Variants in SNX29 observed in about 807,000 individuals in gnomAD.
SNX29 encodes sorting nexin-29.
Under a neutral mutation model 102.1 loss-of-function variants are expected in SNX29, and 78 were observed. The ratio of observed to expected loss-of-function variants is 0.76; its 90% confidence interval spans 0.64 to 0.92. SNX29 has a LOEUF of 0.92. SNX29 is among the 40% of genes least tolerant of loss of function. The probability of loss-of-function intolerance (pLI) is 0.00; values close to 1 mark genes in which losing one functional copy is unlikely to be tolerated. For missense variants in SNX29, 1,280 were observed against 1,061.7 expected (o/e 1.21, Z -2.86); for synonymous variants, 580 against 414.5 (o/e 1.40, Z -4.85).
chr16:12,540,898 C>T (rs561661503), intron 20 of SNX29, among the ~76,000 whole-genome samples: 3 of 152,208 alleles, frequency 2.0e-5, no homozygotes, highest in Admixed American at 1.3e-4. Context: ...AGCTGGAGGG[C>T]TTCTCTGACA....
chr16:12,329,942 G>A (rs559404219), intron 15 of SNX29, among the ~76,000 whole-genome samples: 1 of 152,288 alleles, frequency 6.6e-6, no homozygotes, highest in Admixed American at 6.5e-5. Flanking sequence ...CATTTGAGTG[G>A]CATATCTTAC....
Position 12,531,562 on chromosome 16 carries a change from C to G in SNX29, c.2318+6721C>G, listed in dbSNP as rs940038543. ...CGTGGTCCTCATGGCAAGGGGGCAG[C>G]AGCGGCATTGCCATTCTCTGGGATG... On this transcript the variant is annotated intron_variant, in intron 20 of 20. Transcript: ENST00000566228. Among the ~76,000 whole-genome samples, 4 of 152,040 alleles carry G rather than the reference C, an allele frequency of 2.6e-5. No individual in the cohort carries two copies. The East Asian group carries it at 7.7e-4, about 29-fold the overall frequency.
chr16:12,531,140 C>T (rs1460089757), intron 20 of SNX29, among the ~76,000 whole-genome samples: 3 of 152,174 alleles, frequency 2.0e-5, no homozygotes, highest in Non-Finnish European at 2.9e-5. Flanking sequence ...ATTTGATATG[C>T]AGGGTTTGAT....
At chr16:12,568,382 C>A (rs1430824452) in intron 20 of SNX29, 124 bp from the exon 21 acceptor site, 3 of 1,288,132 alleles carry the variant, frequency 2.3e-6, no homozygotes, top group Admixed American at 4.2e-5. Flanking sequence ...AGAGGCAGAT[C>A]CAATGAGCCA....
At position 12,569,037 on chromosome 16, in the gene SNX29, C is replaced by G; in HGVS notation, c.*408C>G. ...GCAGAGCCAGCCTCTCCACTCTTTCCCACGTGGGGACTAGAATGACTATTA... is the reference window on the plus strand; with the variant it reads ...GCAGAGCCAGCCTCTCCACTCTTTCGCACGTGGGGACTAGAATGACTATTA... On this transcript the variant is annotated 3_prime_UTR_variant, in exon 21 of 21. Transcript: ENST00000566228. 4.3e-6 allele frequency: 1 copy of G among 234,478 alleles called. No individual in the cohort carries two copies. The highest frequency in any genetic ancestry group is 8.2e-6 in the Non-Finnish European group (1 of 121,660). The allele number at this position is 234,478 out of a possible 1,614,324, so 14.5% of individuals were successfully genotyped here.
intron 20 of SNX29, among the ~76,000 whole-genome samples, chr16:12,562,505 G>C (rs923536854): frequency 6.6e-6 from 1 of 152,196 alleles, no homozygotes; most frequent in African/African-American, 2.4e-5. Context: ...ATCGTGAGCA[G>C]CCCAAGTACA....
intron 16 of SNX29, among the ~76,000 whole-genome samples, chr16:12,359,205 G>A (rs913109514): frequency 6.6e-6 from 1 of 152,212 alleles, no homozygotes; most frequent in Non-Finnish European, 1.5e-5. Context: ...CACCCAGCTG[G>A]TGTCCGCTGC....
chr16:12,538,633 G>A lies in SNX29; in HGVS notation c.2318+13792G>A, dbSNP rs186136438. Among the ~76,000 whole-genome samples, 49 of 152,268 alleles carry A rather than the reference G, an allele frequency of 3.2e-4. 1 individual carries two copies. The highest frequency in any genetic ancestry group is 2.6e-3 in the Admixed American group (40 of 15,296). ...AGGAGGGCCTTGACTAGGAAGAATG[G>A]AAAAACTGGGCTGTGAAACAGAAAG... On this transcript the variant is annotated intron_variant, in intron 20 of 20. Transcript: ENST00000566228.
At chr16:12,285,983 G>T (rs756131799) in intron 15 of SNX29, among the ~76,000 whole-genome samples, 2 of 152,008 alleles carry the variant, frequency 1.3e-5, no homozygotes, top group African/African-American at 4.8e-5. Context: ...CCCCTCCACA[G>T]TAGCATACGC....
intron 20 of SNX29, chr16:12,557,574 C>G (rs973963429): frequency 1.3e-5 from 2 of 152,166 alleles, no homozygotes; most frequent in Non-Finnish European, 2.9e-5. Flanking sequence ...GTTGGCTAGG[C>G]TGATCTTGAA....
rs114918091 is a variant in SNX29, at chr16:12,356,792, C to G, written c.1899+513C>G. ...GTGATTCTTTATTGTGAGGGCTGTTCTGAGCATTGTGGGATGTCTAGCAGC... is the reference window on the plus strand; with the variant it reads ...GTGATTCTTTATTGTGAGGGCTGTTGTGAGCATTGTGGGATGTCTAGCAGC... On this transcript the variant is annotated intron_variant, in intron 16 of 20. Transcript: ENST00000566228. 3.1e-3 allele frequency among the ~76,000 whole-genome samples: 470 copies of G among 152,356 alleles called. 3 individuals are homozygous for G. The highest frequency in any genetic ancestry group is 0.011 in the African/African-American group (452 of 41,592).
chr16:12,431,804 C>T, intron 18 of SNX29, among the ~76,000 whole-genome samples: 1 of 152,236 alleles, frequency 6.6e-6, no homozygotes. Context: ...GGGTAATGCT[C>T]ACGACATAGC....
rs370618591 is a variant in SNX29 at position 12,201,226 on chromosome 16, T to C, written c.1678+1543T>C. 1.6e-4 allele frequency among the ~76,000 whole-genome samples: 24 copies of C among 152,344 alleles called. No homozygotes were observed. The East Asian group carries it at 2.9e-3, about 18-fold the overall frequency. ...GCCTCATGCCCTTTTCATACAGATA[T>C]TGCTATTATGGCCCTGAATTCATCT... On this transcript the variant is annotated intron_variant, in intron 14 of 20. Coordinates refer to ENST00000566228, the MANE Select transcript of SNX29 (RefSeq NM_032167.5).
chr16:12,127,969 G>A (rs917494775), intron 12 of SNX29, among the ~76,000 whole-genome samples: 1 of 152,008 alleles, frequency 6.6e-6, no homozygotes, highest in Admixed American at 6.6e-5. Context: ...GTGTGTTCAC[G>A]TCACCCTTTC....
chr16:12,299,717 A>G (rs541815268), intron 15 of SNX29, among the ~76,000 whole-genome samples: 1 of 138,786 alleles, frequency 7.2e-6, no homozygotes, highest in Non-Finnish European at 1.5e-5. Flanking sequence ...CCCCCACCCC[A>G]TCCCTTCTTT....
chr16:12,286,494 A>G (rs1442332254), intron 15 of SNX29, among the ~76,000 whole-genome samples: 3 of 151,546 alleles, frequency 2.0e-5, no homozygotes, highest in African/African-American at 7.3e-5. Flanking sequence ...TACAGGCCCC[A>G]CCACCATGTG....
chr16:12,485,167 TG>T (rs968890712), intron 19 of SNX29, among the ~76,000 whole-genome samples: 27 of 152,360 alleles, frequency 1.8e-4, no homozygotes, highest in Middle Eastern at 3.4e-3. Flanking sequence ...GAATATTTTT[TG>T]CAGAGTGGGC....
At chr16:12,476,395 T>TATATAC (rs1729094830) in intron 18 of SNX29, among the ~76,000 whole-genome samples, 2 of 18,064 alleles carry the variant, frequency 1.1e-4, no homozygotes, top group Non-Finnish European at 1.6e-4. Flanking sequence ...TATATATATA[T>TATATAC]ATATATATAT....
At chr16:12,252,993 T>A (rs954778370) in intron 14 of SNX29, among the ~76,000 whole-genome samples, 3 of 152,178 alleles carry the variant, frequency 2.0e-5, no homozygotes, top group African/African-American at 7.2e-5. Context: ...GTTCTTGCGT[T>A]GGGTTTGAGA....
Sources: allele counts gnomAD v4.1 joint callset (sites outside exome capture counted in the v4.1 genomes callset), GRCh38; gene constraint gnomAD v4.1.1; transcripts MANE v1.5; gene names NCBI Gene and HGNC (gene_info 2026-07-23, HGNC 2026-07-21).